The following NNT variants were observed in gnomAD, a reference collection of about 807,000 sequenced individuals.
NNT encodes the protein nicotinamide nucleotide transhydrogenase, also known as NAD(P) transhydrogenase, mitochondrial.
In NNT, 50 loss-of-function variants were observed where a neutral mutation model predicts 104.8. That is an observed-to-expected ratio of 0.48 (90% CI 0.38 to 0.60). NNT has a LOEUF of 0.60. Among genes scored for constraint, NNT ranks in the 20% least tolerant of loss-of-function variants. NNT has a pLI of 0.00. For missense variants in NNT, 1,131 were observed against 1,330.7 expected (o/e 0.85, Z 2.33); for synonymous variants, 461 against 490.4 (o/e 0.94, Z 0.79).
chr5:43,605,313 G>A (rs914578771), intron 1 of NNT, among the ~76,000 whole-genome samples: 2 of 151,010 alleles, frequency 1.3e-5, no homozygotes, highest in African/African-American at 2.4e-5. Flanking sequence ...TCAGGAGATC[G>A]AGACCATCCT....
intron 12 of NNT, 133 bp downstream of exon 12, chr5:43,650,720 G>A: frequency 3.4e-6 from 2 of 594,556 alleles, no homozygotes. Flanking sequence ...CTTTTTGCAG[G>A]AAAATTAGTT....
chr5:43,607,614 G>A (rs1473326487), intron 1 of NNT, among the ~76,000 whole-genome samples: 2 of 152,244 alleles, frequency 1.3e-5, no homozygotes, highest in East Asian at 3.9e-4. Flanking sequence ...ACAACGCCCG[G>A]CTAATTTTTT....
At chr5:43,630,082 G>T (rs550944859) in intron 7 of NNT, among the ~76,000 whole-genome samples, 1 of 152,190 alleles carries the variant, frequency 6.6e-6, no homozygotes, top group South Asian at 2.1e-4. Context: ...CTGATGTTAT[G>T]TTCTAGAATT....
intron 18 of NNT, among the ~76,000 whole-genome samples, chr5:43,677,080 G>A (rs1430890668): frequency 6.6e-6 from 1 of 151,838 alleles, no homozygotes; most frequent in African/African-American, 2.4e-5. Flanking sequence ...TGGGGTGGGG[G>A]GAAATTTTGA....
chr5:43,635,629 A>C (rs187647655), intron 7 of NNT, among the ~76,000 whole-genome samples: 2 of 152,246 alleles, frequency 1.3e-5, no homozygotes, highest in South Asian at 2.1e-4. Context: ...TATAAGGTCA[A>C]TGTGTCTGTG....
In NNT at chr5:43,656,801, C is replaced by G; in HGVS notation, c.2442C>G (p.Leu814=). 2.5e-6 allele frequency: 4 copies of G among 1,611,618 alleles called. No individual in the cohort carries two copies. The highest frequency in any genetic ancestry group is 3.4e-6 in the Non-Finnish European group (4 of 1,179,338). The change falls in exon 16 of 22, where the codon CTC becomes CTG. Residue 814 remains leucine, a synonymous_variant. Coordinates refer to ENST00000344920, the MANE Select transcript of NNT (RefSeq NM_182977.3). ...CCTGTCTGGGTTCAGTGTCTGCTCT[C>G]TCTGCTGTCATGGTAAGAAGTCAGA... ...GITCLGSVSA[L]SAVMGVTLTA... is the part of the protein sequence containing the mutation.
chr5:43,651,810 C>T lies in NNT; in HGVS notation c.1789C>T (p.Leu597=), dbSNP rs1739782733. The T allele has an allele frequency of 1.9e-6, 3 of 1,613,998 alleles. No homozygotes were observed. The African/African-American group carries it at 4.0e-5, about 22-fold the overall frequency. Residue 597 remains leucine (L), a synonymous_variant, in exon 13 of 22, where the codon CTG becomes TTG. Transcript: ENST00000344920. ...RPTDPPEYNY[L]YLLPAGTFVG... ...CACTGACCCCCCAGAATACAACTACCTGTACCTGCTCCCTGCCGGCACCTT... is the reference window on the plus strand; with the variant it reads ...CACTGACCCCCCAGAATACAACTACTTGTACCTGCTCCCTGCCGGCACCTT...
At chr5:43,701,318 G>A (rs1469425319) in intron 20 of NNT, among the ~76,000 whole-genome samples, 1 of 152,148 alleles carries the variant, frequency 6.6e-6, no homozygotes, top group African/African-American at 2.4e-5. Flanking sequence ...CCACATATAA[G>A]TGAGAATGTG....
In NNT at chr5:43,705,657, A is replaced by G. The variant is rs1422782262; in HGVS notation, c.*1253A>G. 5.9e-5 allele frequency: 9 copies of G among 152,144 alleles called. No individual in the cohort carries two copies. Among genetic ancestry groups the G allele is most frequent in the Non-Finnish European group, 5.9e-5 (4 of 67,980 alleles). The allele number at this position is 152,144 out of a possible 1,614,324, so 9.4% of individuals were successfully genotyped here. ...AGACAATCTCTAAACCAGAAAAAGA[A>G]GTAGTACAAATTTTGTTACTGTAAT... On this transcript the variant is annotated 3_prime_UTR_variant, in exon 22 of 22. Coordinates refer to ENST00000344920, the MANE Select transcript of NNT (RefSeq NM_182977.3).
At chr5:43,649,449 G>T in intron 11 of NNT, 141 bp downstream of exon 11, 2 of 940,370 alleles carry the variant, frequency 2.1e-6, no homozygotes, top group Non-Finnish European at 3.2e-6. Context: ...TGATCTAAGG[G>T]CTCCCAGACT....
chr5:43,621,825 G>A (rs1206704255), intron 5 of NNT, among the ~76,000 whole-genome samples: 5 of 152,174 alleles, frequency 3.3e-5, no homozygotes, highest in Admixed American at 2.0e-4. Flanking sequence ...TTTGAAGCAT[G>A]GAAGAAGGAA....
chr5:43,657,288 G>A (rs878987911), intron 16 of NNT, among the ~76,000 whole-genome samples: 1 of 152,242 alleles, frequency 6.6e-6, no homozygotes, highest in Admixed American at 6.5e-5. Context: ...TGTATGCTCA[G>A]TGAGAGTATT....
At chr5:43,622,259 G>A (rs1292487662) in intron 5 of NNT, among the ~76,000 whole-genome samples, 3 of 152,146 alleles carry the variant, frequency 2.0e-5, no homozygotes, top group African/African-American at 4.8e-5. Context: ...TGCAAAGGGA[G>A]GAGTTGATGA....
chr5:43,695,810 T>G (rs1021712991), intron 19 of NNT, among the ~76,000 whole-genome samples: 2 of 152,172 alleles, frequency 1.3e-5, no homozygotes, highest in African/African-American at 4.8e-5. Context: ...CTTACATGGA[T>G]GGGAGCAAGC....
intron 17 of NNT, 25 bp downstream of exon 17, chr5:43,659,375 C>A: frequency 1.3e-6 from 2 of 1,561,332 alleles, no homozygotes; most frequent in Non-Finnish European, 8.7e-7. Context: ...ATACATGAAA[C>A]AAAAGGAAAT....
At position 43,609,208 on chromosome 5, in the gene NNT, T is replaced by C. The variant is rs768476459; in HGVS notation, c.13T>C (p.Leu5=). ...AACTCATATCAACATGGCAAACCTA[T>C]TGAAAACAGTGGTGACTGGCTGCTC... MANL[L]KTVVTGCSCP... is the part of the protein sequence containing the mutation. Residue 5 remains leucine (L), a synonymous_variant, in exon 2 of 22, where the codon TTG becomes CTG. Transcript: ENST00000344920. 7.4e-6 allele frequency: 12 copies of C among 1,613,570 alleles called. No individual in the cohort carries two copies. The Admixed American group carries it at 2.0e-4, about 27-fold the overall frequency.
intron 19 of NNT, among the ~76,000 whole-genome samples, chr5:43,694,460 A>G (rs1435515037): frequency 2.0e-5 from 3 of 152,120 alleles, no homozygotes; most frequent in African/African-American, 7.2e-5. Flanking sequence ...TTCCTTTAAT[A>G]CCTAGTTTAG....
chr5:43,605,501 C>T (rs1275324483), intron 1 of NNT, among the ~76,000 whole-genome samples: 4 of 111,800 alleles, frequency 3.6e-5, no homozygotes, highest in East Asian at 2.5e-4. Flanking sequence ...CCGGCCTGGG[C>T]GACAGAGCGA....
At position 43,645,484 on chromosome 5, in the gene NNT, T is replaced by C; in HGVS notation, c.1418T>C (p.Met473Thr). ...AATITPFRKT[M>T]STASAYTAGL... ...ACCATTACACCCTTCAGGAAGACAA[T>C]GTCAACGGCTTCTGCATATACAGCA... The change falls in exon 10 of 22, where the codon ATG (methionine) becomes ACG (threonine). Residue 473 changes from methionine (M) to threonine (T), a missense_variant. Coordinates refer to ENST00000344920, the MANE Select transcript of NNT (RefSeq NM_182977.3). 1.3e-6 allele frequency: 2 copies of C among 1,564,644 alleles called. No homozygotes were observed. The highest frequency in any genetic ancestry group is 1.7e-6 in the Non-Finnish European group (2 of 1,154,368).
Sources: allele counts gnomAD v4.1 joint callset (sites outside exome capture counted in the v4.1 genomes callset), GRCh38; gene constraint gnomAD v4.1.1; transcripts MANE v1.5; gene names NCBI Gene and HGNC (gene_info 2026-07-23, HGNC 2026-07-21).